Variants in PARD3B observed in about 807,000 individuals in gnomAD.
PARD3B encodes the protein partitioning defective 3 homolog B.
Under a neutral mutation model 130.2 loss-of-function variants are expected in PARD3B, and 103 were observed. The ratio of observed to expected loss-of-function variants is 0.79; its 90% CI spans 0.67 to 0.93. The LOEUF is 0.93. PARD3B is among the 40% of genes least tolerant of loss of function. PARD3B has a pLI of 0.00. For missense variants in PARD3B, 1,609 were observed against 1,499.2 expected (o/e 1.07, Z -1.21); for synonymous variants, 583 against 553.2 (o/e 1.05, Z -0.76).
intron 2 of PARD3B, among the ~76,000 whole-genome samples, chr2:204,891,895 G>C (rs1179203405): frequency 6.6e-6 from 1 of 152,120 alleles, no homozygotes; most frequent in Non-Finnish European, 1.5e-5. Context: ...TCTTTACTTT[G>C]TAATTAGGAT....
chr2:204,747,103 G>A (rs990149806), intron 2 of PARD3B, among the ~76,000 whole-genome samples: 3 of 152,002 alleles, frequency 2.0e-5, no homozygotes, highest in Non-Finnish European at 4.4e-5. Context: ...GGGTTTTTAT[G>A]GTTTTAGGTC....
intron 22 of PARD3B, among the ~76,000 whole-genome samples, chr2:205,602,004 C>T (rs2054806320): frequency 6.6e-6 from 1 of 152,104 alleles, no homozygotes; most frequent in East Asian, 1.9e-4. Flanking sequence ...ATGATATTGG[C>T]TGTGGGTTTG....
chr2:204,764,514 G>A (rs1470797482), intron 2 of PARD3B, among the ~76,000 whole-genome samples: 3 of 152,098 alleles, frequency 2.0e-5, no homozygotes, highest in Admixed American at 1.3e-4. Context: ...CACCCTAACT[G>A]CCTGCCTGAC....
intron 2 of PARD3B, among the ~76,000 whole-genome samples, chr2:204,836,027 T>C (rs1469172385): frequency 6.6e-6 from 1 of 152,236 alleles, no homozygotes; most frequent in Non-Finnish European, 1.5e-5. Context: ...ACTATCAAAC[T>C]ATGAACATGA....
At chr2:204,547,448 G>C (rs2030070409) in intron 1 of PARD3B, among the ~76,000 whole-genome samples, 1 of 152,170 alleles carries the variant, frequency 6.6e-6, no homozygotes, top group Non-Finnish European at 1.5e-5. Context: ...TTATAAAGCT[G>C]TGTGAAAATC....
intron 4 of PARD3B, among the ~76,000 whole-genome samples, chr2:205,057,806 T>A (rs1390326904): frequency 6.6e-6 from 1 of 151,082 alleles, no homozygotes; most frequent in Non-Finnish European, 1.5e-5. Flanking sequence ...TTTATATACA[T>A]CTCCTGCCTT....
chr2:204,779,993 G>C (rs993766167), intron 2 of PARD3B, among the ~76,000 whole-genome samples: 1 of 152,080 alleles, frequency 6.6e-6, no homozygotes, highest in African/African-American at 2.4e-5. Context: ...TTTTGTGAAG[G>C]CTTGATTGTG....
chr2:205,370,242 A>C (rs2044759655), intron 18 of PARD3B, among the ~76,000 whole-genome samples: 1 of 152,242 alleles, frequency 6.6e-6, no homozygotes, highest in African/African-American at 2.4e-5. Flanking sequence ...AGTGGAGGTC[A>C]TGATAAGGCA....
At chr2:204,815,278 AT>A (rs1194139331) in intron 2 of PARD3B, among the ~76,000 whole-genome samples, 3 of 152,058 alleles carry the variant, frequency 2.0e-5, no homozygotes, top group Admixed American at 6.6e-5. Flanking sequence ...TTCAATAAAT[AT>A]TTGCACTTAA....
At chr2:205,028,950 A>T (rs1192666860) in intron 3 of PARD3B, among the ~76,000 whole-genome samples, 3 of 152,176 alleles carry the variant, frequency 2.0e-5, no homozygotes, top group Admixed American at 2.0e-4. Context: ...AAAGAGTTAA[A>T]CATTTGGGAA....
intron 21 of PARD3B, among the ~76,000 whole-genome samples, chr2:205,522,772 G>C (rs774599308): frequency 1.6e-4 from 25 of 151,678 alleles, no homozygotes; most frequent in Non-Finnish European, 2.4e-4. Context: ...TTCAAGAGGA[G>C]AACAAAAAAG....
chr2:205,581,340 CGTGT>C (rs920686340), intron 22 of PARD3B, among the ~76,000 whole-genome samples: 3 of 144,514 alleles, frequency 2.1e-5, no homozygotes, highest in South Asian at 2.1e-4. Context: ...CTGTCATATA[CGTGT>C]GTGTGTGTAC....
chr2:204,714,640 C>T (rs780323114), intron 2 of PARD3B, among the ~76,000 whole-genome samples: 5 of 152,104 alleles, frequency 3.3e-5, no homozygotes, highest in African/African-American at 9.7e-5. Context: ...CCAGATACAG[C>T]GAGAATATGC....
intron 18 of PARD3B, among the ~76,000 whole-genome samples, chr2:205,338,139 T>C: frequency 8.6e-6 from 1 of 116,294 alleles, no homozygotes; most frequent in African/African-American, 3.6e-5. Context: ...GGCAACAGAG[T>C]GAGACTCCAT....
intron 19 of PARD3B, among the ~76,000 whole-genome samples, chr2:205,412,442 A>G (rs371781688): frequency 3.1e-4 from 47 of 152,312 alleles, no homozygotes; most frequent in African/African-American, 1.1e-3. Flanking sequence ...AGAAACTTAC[A>G]TAGATAATTT....
chr2:205,219,340 T>C (rs2038115697), intron 15 of PARD3B, among the ~76,000 whole-genome samples: 1 of 152,194 alleles, frequency 6.6e-6, no homozygotes, highest in African/African-American at 2.4e-5. Flanking sequence ...AAGAACTTTG[T>C]GCATCCCATT....
At chr2:204,622,931 T>TA (rs755260333) in intron 1 of PARD3B, among the ~76,000 whole-genome samples, 266 of 152,330 alleles carry the variant, frequency 1.7e-3, no homozygotes, top group Non-Finnish European at 3.2e-3. Context: ...TCTGTTAAAG[T>TA]AAGTGAATAT....
intron 5 of PARD3B, among the ~76,000 whole-genome samples, chr2:205,110,270 T>C (rs1198278842): frequency 6.6e-6 from 1 of 152,196 alleles, no homozygotes; most frequent in African/African-American, 2.4e-5. Flanking sequence ...TGTATATTTT[T>C]CCCTCAAGCT....
intron 2 of PARD3B, among the ~76,000 whole-genome samples, chr2:204,908,149 T>C (rs1183140893): frequency 1.3e-5 from 2 of 152,190 alleles, no homozygotes; most frequent in African/African-American, 4.8e-5. Context: ...TAAACTGATA[T>C]AATATCTTCT....
Sources: gnomAD v4.1 joint callset for allele counts (sites outside exome capture counted in the v4.1 genomes callset) on GRCh38, gnomAD v4.1.1 for gene constraint, MANE v1.5 for transcripts, NCBI Gene and HGNC (gene_info 2026-07-23, HGNC 2026-07-21) for gene names.